CEP126: variants seen among roughly 807,000 people sequenced by gnomAD.
The protein encoded by CEP126 is centrosomal protein of 126 kDa.
Under a neutral mutation model 107.8 loss-of-function variants are expected in CEP126, and 74 were observed. The ratio of observed to expected loss-of-function variants is 0.69; its 90% CI spans 0.57 to 0.83. The LOEUF is 0.83. Ranked by LOEUF, CEP126 falls within the 40% of genes least tolerant of loss-of-function variation. The pLI, the probability that CEP126 is intolerant of heterozygous loss-of-function variation, is 0.00. For missense variants in CEP126, 1,237 were observed against 1,281.9 expected (o/e 0.96, Z 0.53); for synonymous variants, 449 against 446.0 (o/e 1.01, Z -0.08).
intron 1 of CEP126, among the ~76,000 whole-genome samples, chr11:101,921,589 C>G (rs1454000063): frequency 6.6e-6 from 1 of 151,204 alleles, no homozygotes; most frequent in Non-Finnish European, 1.5e-5. Context: ...TGCCTGTAGT[C>G]CCAGCTACTT....
chr11:101,969,014 ATTTTG>A (rs147346848), intron 6 of CEP126, among the ~76,000 whole-genome samples: 1 of 151,952 alleles, frequency 6.6e-6, no homozygotes, highest in African/African-American at 2.4e-5. Flanking sequence ...TATTTGACTT[ATTTTG>A]TTTTATTTTA....
At position 101,963,060 on chromosome 11, in the gene CEP126, T is replaced by A. The variant is rs1428708405; in HGVS notation, c.2025T>A (p.Ser675Arg). 3 of 1,613,990 alleles carry A rather than the reference T, an allele frequency of 1.9e-6. No homozygotes were observed. The highest frequency in any genetic ancestry group is 2.5e-6 in the Non-Finnish European group (3 of 1,179,992). ...GTGGTGCTGGAAGCAACATAATTAG[T>A]GTTTCTACTTGTGCTGTAAATTCTG... ...IQSGAGSNII[S>R]VSTCAVNSAD... The change falls in exon 6 of 11, where the codon AGT becomes AGA. Residue 675 changes from serine (S) to arginine (R), a missense_variant. This residue lies in a region of CEP126 where 1,134 missense variants were observed against 1,150.5 expected (regional missense o/e 0.99). Transcript: ENST00000263468.
At chr11:101,952,920 C>T (rs985532554) in intron 4 of CEP126, among the ~76,000 whole-genome samples, 1 of 152,186 alleles carries the variant, frequency 6.6e-6, no homozygotes, top group Admixed American at 6.5e-5. Flanking sequence ...GACCAGAAAA[C>T]AGTGCATGCC....
At chr11:101,983,935 T>C (rs1208969338) in intron 8 of CEP126, among the ~76,000 whole-genome samples, 1 of 152,228 alleles carries the variant, frequency 6.6e-6, no homozygotes, top group Non-Finnish European at 1.5e-5. Flanking sequence ...GGACATCTTT[T>C]CTGATTGGTT....
At chr11:101,987,356 T>C (rs1206712090) in intron 9 of CEP126, among the ~76,000 whole-genome samples, 1 of 152,166 alleles carries the variant, frequency 6.6e-6, no homozygotes, top group Non-Finnish European at 1.5e-5. Flanking sequence ...GATTAAGTAT[T>C]TTTTAAACCT....
At chr11:101,936,217 GT>G (rs893755448) in intron 2 of CEP126, among the ~76,000 whole-genome samples, 1 of 151,564 alleles carries the variant, frequency 6.6e-6, no homozygotes, top group African/African-American at 2.4e-5. Context: ...TTTGGTTTGG[GT>G]TTTTTTGGTT....
At chr11:101,958,892 A>G (rs1203534395) in intron 5 of CEP126, among the ~76,000 whole-genome samples, 2 of 152,216 alleles carry the variant, frequency 1.3e-5, no homozygotes, top group African/African-American at 4.8e-5. Context: ...AGAAAGCAAA[A>G]CAGAAGATTC....
intron 6 of CEP126, among the ~76,000 whole-genome samples, chr11:101,976,812 A>C (rs1367674956): frequency 6.6e-6 from 1 of 152,208 alleles, no homozygotes; most frequent in Non-Finnish European, 1.5e-5. Context: ...AAACTTTGTG[A>C]AACTTTTCTT....
intron 1 of CEP126, 144 bp downstream of exon 1, chr11:101,915,556 C>T (rs1940191277): frequency 1.8e-6 from 2 of 1,095,642 alleles, no homozygotes; most frequent in South Asian, 1.7e-5. Flanking sequence ...TAGCAACTGT[C>T]GTGTCTCACC....
At chr11:101,922,892 G>C in intron 2 of CEP126, 132 bp downstream of exon 2, 1 of 716,048 alleles carries the variant, frequency 1.4e-6, no homozygotes, top group South Asian at 2.0e-5. Flanking sequence ...CAAGATTTGT[G>C]TGGCTTTGTA....
At chr11:101,916,768 T>C (rs1224181200) in intron 1 of CEP126, among the ~76,000 whole-genome samples, 1 of 152,160 alleles carries the variant, frequency 6.6e-6, no homozygotes, top group Non-Finnish European at 1.5e-5. Flanking sequence ...ATTAATAAAA[T>C]GGTTGTAGGC....
rs550285896 is a variant in CEP126, at chr11:101,999,186, C to A, written c.*1543C>A. 1 of 151,910 alleles carries A rather than the reference C, an allele frequency of 6.6e-6. No homozygotes were observed. The highest frequency in any genetic ancestry group is 2.4e-5 in the African/African-American group (1 of 41,424). 9.4% of individuals were successfully genotyped at this position (151,910 alleles called of 1,614,324 possible). On this transcript the variant is annotated 3_prime_UTR_variant, in exon 11 of 11. Coordinates refer to ENST00000263468, the MANE Select transcript of CEP126 (RefSeq NM_020802.4). The stretch of plus-strand genomic sequence containing the variant: ...TTTCTTATACTATCAAGAAAAAATT[C>A]TGTGAATTAAGATGTAATTTATAAA...
intron 2 of CEP126, among the ~76,000 whole-genome samples, chr11:101,939,020 G>T (rs1042168977): frequency 6.6e-6 from 1 of 152,102 alleles, no homozygotes; most frequent in Non-Finnish European, 1.5e-5. Flanking sequence ...CTTGGGAAAA[G>T]ACTGTGTATT....
chr11:101,985,471 T>A (rs578259942), intron 8 of CEP126, among the ~76,000 whole-genome samples: 2 of 152,102 alleles, frequency 1.3e-5, no homozygotes, highest in Admixed American at 6.5e-5. Flanking sequence ...TTAGTTGAGA[T>A]GAGGCTTCAC....
Position 101,962,430 on chromosome 11 carries a change from G to T in CEP126, c.1395G>T (p.Leu465Phe). Residue 465 changes from leucine to phenylalanine, a missense_variant, in exon 6 of 11, where the codon TTG becomes TTT. By Grantham distance (22) the Leu-to-Phe change is conservative (BLOSUM62 0). Transcript: ENST00000263468. ...SCVPVATPLV[L>F]PSNIQSARPS... ...TACCAGTGGCAACGCCTTTAGTTTT[G>T]CCATCTAATATACAGTCAGCTAGAC... 2 of 1,613,778 alleles carry T rather than the reference G, an allele frequency of 1.2e-6. No individual in the cohort carries two copies. Among genetic ancestry groups the T allele is most frequent in the Non-Finnish European group, 1.7e-6 (2 of 1,179,870 alleles).
chr11:101,987,199 T>C (rs1941326712), intron 9 of CEP126, among the ~76,000 whole-genome samples, 158 bp downstream of exon 9: 1 of 152,222 alleles, frequency 6.6e-6, no homozygotes, highest in Non-Finnish European at 1.5e-5. Flanking sequence ...TTGAATACTA[T>C]TTCAAGTATG....
chr11:101,979,996 T>C (rs376821482), intron 7 of CEP126, among the ~76,000 whole-genome samples: 8 of 152,174 alleles, frequency 5.3e-5, no homozygotes, highest in East Asian at 3.8e-4. Context: ...TATTCCAAGT[T>C]ACTGGTTGAA....
At chr11:101,992,938 A>G in intron 10 of CEP126, 96 bp downstream of exon 10, 1 of 1,178,800 alleles carries the variant, frequency 8.5e-7, no homozygotes, top group African/African-American at 1.6e-5. Context: ...TAATATTAAT[A>G]TTTCTTGGGA....
rs1156741764 is a variant in CEP126, at chr11:101,953,737, A to G, written c.507-4431A>G. Among the ~76,000 whole-genome samples the G allele has an allele frequency of 2.0e-5, 3 of 152,188 alleles. No individual in the cohort carries two copies. In the East Asian group the frequency reaches 5.8e-4, roughly 29 times the overall value. On this transcript the variant is annotated intron_variant, in intron 4 of 10. Transcript: ENST00000263468. ...CATTGAAGTGATAGAGGTGGAAGCCAGATAACAGTTGGGTTAAGAGACAAG... is the reference window on the plus strand; with the variant it reads ...CATTGAAGTGATAGAGGTGGAAGCCGGATAACAGTTGGGTTAAGAGACAAG...
Sources: allele counts gnomAD v4.1 joint callset (sites outside exome capture counted in the v4.1 genomes callset), GRCh38; gene constraint gnomAD v4.1.1; regional missense constraint gnomAD v4.1.1; transcripts MANE v1.5; gene names NCBI Gene and HGNC (gene_info 2026-07-23, HGNC 2026-07-21).